Variants in SLIT2 observed in about 807,000 individuals in gnomAD.
SLIT2 encodes the protein slit guidance ligand 2, also known as slit homolog 2 protein.
A neutral mutation model predicts 185.7 loss-of-function variants in SLIT2; 41 were observed. That is an observed-to-expected ratio of 0.22 (90% CI 0.17 to 0.29). The LOEUF is 0.29. SLIT2 is among the 10% of genes least tolerant of loss of function. SLIT2 has a pLI of 1.00. For missense variants in SLIT2, 1,571 were observed against 1,909.0 expected, an observed-to-expected ratio of 0.82 and a Z score of 3.30; for synonymous variants, 693 against 680.2, an observed-to-expected ratio of 1.02 and a Z score of -0.29.
At chr4:20,581,923 T>G (rs1726611997) in intron 29 of SLIT2, among the ~76,000 whole-genome samples, 1 of 152,158 alleles carries the variant, frequency 6.6e-6, no homozygotes, top group Non-Finnish European at 1.5e-5. Context: ...ATTTTTGTAT[T>G]TTTAGTAGAG....
intron 15 of SLIT2, among the ~76,000 whole-genome samples, chr4:20,527,533 C>T (rs1444985808): frequency 1.3e-5 from 2 of 152,172 alleles, no homozygotes; most frequent in Non-Finnish European, 2.9e-5. Flanking sequence ...GATCCGCCCG[C>T]CTTGGCCTCC....
At chr4:20,450,569 T>TA (rs1246849749) in intron 4 of SLIT2, among the ~76,000 whole-genome samples, 2 of 152,206 alleles carry the variant, frequency 1.3e-5, no homozygotes, top group Non-Finnish European at 2.9e-5. Context: ...TTTAAAGATC[T>TA]ACTCTACTGA....
At chr4:20,463,521 G>A (rs1327852556) in intron 4 of SLIT2, among the ~76,000 whole-genome samples, 1 of 139,652 alleles carries the variant, frequency 7.2e-6, no homozygotes, top group African/African-American at 2.7e-5. Context: ...ATATATGTGT[G>A]TGTGTGTGTG....
intron 4 of SLIT2, among the ~76,000 whole-genome samples, chr4:20,409,927 T>A (rs1487469174): frequency 6.6e-6 from 1 of 152,212 alleles, no homozygotes; most frequent in African/African-American, 2.4e-5. Context: ...TGTTTTACTC[T>A]TGTAAGTTTT....
chr4:20,513,740 G>GGC (rs1719951947), intron 11 of SLIT2, among the ~76,000 whole-genome samples: 1 of 151,646 alleles, frequency 6.6e-6, no homozygotes, highest in African/African-American at 2.4e-5. Flanking sequence ...TGTGGTTGGC[G>GGC]GGGGGAAGCT....
At chr4:20,445,844 CT>C (rs1435160109) in intron 4 of SLIT2, among the ~76,000 whole-genome samples, 2 of 152,206 alleles carry the variant, frequency 1.3e-5, no homozygotes, top group Non-Finnish European at 2.9e-5. Flanking sequence ...AAGCGACTCT[CT>C]TAATTATGGT....
At position 20,252,185 on chromosome 4, in the gene SLIT2, G is replaced by A. The variant is rs1722096124; in HGVS notation, c.-1631G>A. Among the ~76,000 whole-genome samples, 1 of 151,926 alleles carries A rather than the reference G, an allele frequency of 6.6e-6. No homozygotes were observed. The highest frequency in any genetic ancestry group is 2.4e-5 in the African/African-American group (1 of 41,374). On this transcript the variant is annotated 5_prime_UTR_variant, in exon 1 of 37. Coordinates refer to ENST00000504154, the MANE Select transcript of SLIT2 (RefSeq NM_004787.4). ...GGGTTTTTGTTTGGCTACGCTGAGC[G>A]CCAGTCAGCCCCAGCGAACAACTCC... is the stretch of plus-strand genomic sequence containing the variant.
chr4:20,438,063 G>A (rs1220625930), intron 4 of SLIT2, among the ~76,000 whole-genome samples: 1 of 151,986 alleles, frequency 6.6e-6, no homozygotes, highest in Non-Finnish European at 1.5e-5. Context: ...TCCATTGCCT[G>A]ATTCAAGCTA....
intron 4 of SLIT2, among the ~76,000 whole-genome samples, chr4:20,324,583 G>A (rs1719397226): frequency 1.3e-5 from 2 of 152,152 alleles, no homozygotes; most frequent in Admixed American, 6.6e-5. Flanking sequence ...GATGACTATA[G>A]TTGATGACAA....
chr4:20,589,543 C>A, intron 29 of SLIT2, 101 bp from the exon 30 acceptor site: 1 of 867,348 alleles, frequency 1.2e-6, no homozygotes, highest in Non-Finnish European at 1.9e-6. Context: ...TTTTAAATCA[C>A]AAGCTGCCCT....
At chr4:20,575,539 C>T (rs894879810) in intron 29 of SLIT2, among the ~76,000 whole-genome samples, 1 of 152,116 alleles carries the variant, frequency 6.6e-6, no homozygotes. Flanking sequence ...GATGCAAACC[C>T]ATGTCTCATT....
chr4:20,442,141 G>C (rs2148701747), intron 4 of SLIT2, among the ~76,000 whole-genome samples: 1 of 152,218 alleles, frequency 6.6e-6, no homozygotes, highest in African/African-American at 2.4e-5. Flanking sequence ...CACCAATGGA[G>C]AACAGATTGC....
In SLIT2 at chr4:20,440,563, G is replaced by A. The variant is rs114539630; in HGVS notation, c.396-27189G>A. 2.6e-3 allele frequency among the ~76,000 whole-genome samples: 389 copies of A among 152,102 alleles called. 2 individuals are homozygous for A. Among genetic ancestry groups the A allele is most frequent in the African/African-American group, 9.0e-3 (375 of 41,508 alleles). The stretch of plus-strand genomic sequence containing the variant: ...AGCAACACTGAGATACACGGCAATA[G>A]AAAACAACGCAATGAATAAAAATGG... On this transcript the variant is annotated intron_variant, in intron 4 of 36. Transcript: ENST00000504154.
chr4:20,470,856 C>A (rs1714920843), intron 5 of SLIT2, among the ~76,000 whole-genome samples: 1 of 152,106 alleles, frequency 6.6e-6, no homozygotes, highest in African/African-American at 2.4e-5. Flanking sequence ...GATTATGCAC[C>A]TGGCCATCCC....
At chr4:20,461,075 G>A (rs1484128597) in intron 4 of SLIT2, among the ~76,000 whole-genome samples, 1 of 152,192 alleles carries the variant, frequency 6.6e-6, no homozygotes, top group Non-Finnish European at 1.5e-5. Context: ...ACTTTGCACA[G>A]CATCACATAG....
intron 4 of SLIT2, among the ~76,000 whole-genome samples, chr4:20,409,888 C>G (rs991941384): frequency 3.3e-5 from 5 of 152,036 alleles, no homozygotes; most frequent in Non-Finnish European, 7.4e-5. Context: ...AGTGTCTATT[C>G]ATGTCCTTTG....
chr4:20,420,046 A>T (rs1728047617), intron 4 of SLIT2, among the ~76,000 whole-genome samples: 1 of 152,178 alleles, frequency 6.6e-6, no homozygotes, highest in Non-Finnish European at 1.5e-5. Context: ...CAAATGGTAG[A>T]TTTGAACAAT....
intron 4 of SLIT2, among the ~76,000 whole-genome samples, chr4:20,295,900 C>G (rs371076967): frequency 1.1e-4 from 17 of 152,332 alleles, no homozygotes; most frequent in African/African-American, 4.1e-4. Context: ...ACTAGCATCA[C>G]ATGCTCAAAT....
intron 4 of SLIT2, among the ~76,000 whole-genome samples, chr4:20,314,081 T>C (rs558599698): frequency 2.0e-5 from 3 of 152,358 alleles, no homozygotes; most frequent in East Asian, 3.9e-4. Flanking sequence ...AGCATTTTTC[T>C]GCCAACCCCA....
Sources: allele counts gnomAD v4.1 joint callset (sites outside exome capture counted in the v4.1 genomes callset), GRCh38; gene constraint gnomAD v4.1.1; transcripts MANE v1.5; gene names NCBI Gene and HGNC (gene_info 2026-07-23, HGNC 2026-07-21).